The following TRPC5 variants were observed in gnomAD, a reference collection of about 807,000 sequenced individuals.
TRPC5 encodes transient receptor potential cation channel subfamily C member 5.
A neutral mutation model predicts 56.5 loss-of-function variants in TRPC5; 9 were observed. The observed-to-expected ratio is 0.16, with a 90% CI of 0.10 to 0.28. The LOEUF is 0.28. TRPC5 is among the 10% of genes least tolerant of loss of function. The pLI, the probability that TRPC5 is intolerant of heterozygous loss-of-function variation, is 1.00. For missense variants in TRPC5, 469 were observed against 748.9 expected (o/e 0.63, Z 4.36); for synonymous variants, 282 against 278.5 (o/e 1.01, Z -0.13).
intron 3 of TRPC5, among the ~76,000 whole-genome samples, chrX:111,892,079 C>T (rs2148607652): frequency 8.9e-6 from 1 of 111,978 alleles, no homozygotes; most frequent in Non-Finnish European, 1.9e-5. Flanking sequence ...GTAAAATAAA[C>T]TAACCTGTTC....
Position 111,922,792 on chromosome X carries a change from C to T in TRPC5, c.379-9980G>A, listed in dbSNP as rs1341406553. ...TTTACTTGGGGATAATGTCACAGAA[C>T]CCACTGGCCTTTAAAAATGTCAATA... On this transcript the variant is annotated intron_variant, in intron 2 of 10. Transcript: ENST00000262839. 2.7e-5 allele frequency among the ~76,000 whole-genome samples: 3 copies of T among 111,668 alleles called. No homozygotes were observed. In the East Asian group the frequency reaches 8.5e-4, roughly 31 times the overall value.
intron 3 of TRPC5, among the ~76,000 whole-genome samples, chrX:111,858,127 T>G (rs1009081830): frequency 8.9e-6 from 1 of 112,338 alleles, no homozygotes; most frequent in Non-Finnish European, 1.9e-5. Flanking sequence ...GAAATTTTTA[T>G]TAAGCCACCA....
chrX:111,801,427 C>T (rs1921306963), intron 7 of TRPC5, among the ~76,000 whole-genome samples: 1 of 111,667 alleles, frequency 9.0e-6, no homozygotes, highest in Non-Finnish European at 1.9e-5. Context: ...AATGAAATTG[C>T]TGGGTCATAT....
intron 7 of TRPC5, among the ~76,000 whole-genome samples, chrX:111,782,684 CTTT>C (rs1252905791): frequency 1.8e-5 from 2 of 110,964 alleles, no homozygotes; most frequent in Non-Finnish European, 3.8e-5. Context: ...TGGTGGAAGG[CTTT>C]TTTATTTTAA....
chrX:111,805,599 A>G (rs1225793322), intron 7 of TRPC5, among the ~76,000 whole-genome samples: 2 of 111,849 alleles, frequency 1.8e-5, no homozygotes, highest in Non-Finnish European at 3.8e-5. Flanking sequence ...GATTTAGCCA[A>G]TTGTTTTGGA....
Position 112,076,819 on chromosome X carries a change from GA to G in TRPC5, c.-22+5059del, listed in dbSNP as rs1930846765. Among the ~76,000 whole-genome samples the G allele has an allele frequency of 2.7e-5, 3 of 111,494 alleles. No homozygotes were observed. The South Asian group carries it at 1.1e-3, about 42-fold the overall frequency. ...ACTAGGGACACCTGTAATTCCTTCT[GA>G]AAAAATATTTGTTTCTAGTGGCCTC... On this transcript the variant is annotated intron_variant, in intron 1 of 10. Coordinates refer to ENST00000262839, the MANE Select transcript of TRPC5 (RefSeq NM_012471.3).
intron 3 of TRPC5, among the ~76,000 whole-genome samples, chrX:111,867,925 A>G (rs1430234319): frequency 1.8e-4 from 20 of 112,495 alleles, no homozygotes; most frequent in African/African-American, 6.5e-4. Flanking sequence ...ATGTACACAG[A>G]ACCTTCTAAG....
At chrX:111,950,524 G>T (rs1377303031) in intron 2 of TRPC5, among the ~76,000 whole-genome samples, 1 of 110,995 alleles carries the variant, frequency 9.0e-6, no homozygotes, top group Non-Finnish European at 1.9e-5. Flanking sequence ...GGATGGGAAG[G>T]GGGAGAGGAA....
At chrX:111,893,633 A>T (rs1029152238) in intron 3 of TRPC5, among the ~76,000 whole-genome samples, 1 of 111,939 alleles carries the variant, frequency 8.9e-6, no homozygotes, top group Non-Finnish European at 1.9e-5. Flanking sequence ...CCATAAGGAC[A>T]TTTCCTACTC....
At position 111,774,898 on chromosome X, in the gene TRPC5, T is replaced by C. The variant is rs1303111439; in HGVS notation, c.*1415A>G. ...CTCTAGGACTCAGACCTAGAGTTGT[T>C]TCAGGTCATATGTTAGAGTCTAAAC... On this transcript the variant is annotated 3_prime_UTR_variant, in exon 11 of 11. Coordinates refer to ENST00000262839, the MANE Select transcript of TRPC5 (RefSeq NM_012471.3). The C allele has an allele frequency of 1.8e-5, 2 of 110,755 alleles. No individual in the cohort carries two copies. The highest frequency in any genetic ancestry group is 3.8e-5 in the Non-Finnish European group (2 of 52,832). 9.1% of individuals were successfully genotyped at this position (110,755 alleles called of 1,213,427 possible).
intron 3 of TRPC5, among the ~76,000 whole-genome samples, chrX:111,884,359 G>A (rs1924370255): frequency 8.9e-6 from 1 of 112,368 alleles, no homozygotes; most frequent in Admixed American, 9.4e-5. Context: ...GTAGTGCCAG[G>A]CCCTAGCTTA....
intron 2 of TRPC5, among the ~76,000 whole-genome samples, chrX:111,937,288 G>A (rs1473765149): frequency 9.7e-6 from 1 of 103,149 alleles, no homozygotes; most frequent in East Asian, 3.0e-4. Context: ...CTCCCATTTT[G>A]TAGGTTGCCT....
At chrX:111,950,914 T>C (rs1267949270) in intron 2 of TRPC5, among the ~76,000 whole-genome samples, 1 of 112,275 alleles carries the variant, frequency 8.9e-6, no homozygotes, top group Admixed American at 9.5e-5. Flanking sequence ...TTTTCTCCTA[T>C]TAATCTGCCT....
intron 7 of TRPC5, among the ~76,000 whole-genome samples, chrX:111,820,756 A>T (rs1400906083): frequency 8.9e-6 from 1 of 111,865 alleles, no homozygotes; most frequent in Non-Finnish European, 1.9e-5. Flanking sequence ...ATTTTAAAAT[A>T]TTCCGGGAAG....
At chrX:111,957,294 G>T (rs981723028) in intron 1 of TRPC5, among the ~76,000 whole-genome samples, 1 of 111,605 alleles carries the variant, frequency 9.0e-6, no homozygotes, top group Non-Finnish European at 1.9e-5. Flanking sequence ...TGGTTCAGGA[G>T]GTACTTTAAA....
chrX:111,854,241 G>A, intron 3 of TRPC5, 135 bp from the exon 4 acceptor site: 2 of 625,665 alleles, frequency 3.2e-6, no homozygotes, highest in South Asian at 3.2e-5. Flanking sequence ...CTGTTTTCTA[G>A]GTGCCTGTGA....
Position 111,768,737 on chromosome X carries a change from G to A in TRPC5, c.*7576C>T, listed in dbSNP as rs371576878. ...CTTTTACATTAAACCACAGACTAATGTGTTAACCCTTTGGGTTTAGAGGAC... is the reference window on the plus strand; with the variant it reads ...CTTTTACATTAAACCACAGACTAATATGTTAACCCTTTGGGTTTAGAGGAC... On this transcript the variant is annotated 3_prime_UTR_variant, in exon 11 of 11. Coordinates refer to ENST00000262839, the MANE Select transcript of TRPC5 (RefSeq NM_012471.3). Among the ~76,000 whole-genome samples the A allele has an allele frequency of 3.0e-4, 34 of 111,684 alleles. No individual in the cohort carries two copies. The highest frequency in any genetic ancestry group is 2.2e-3 in the East Asian group (8 of 3,564).
intron 1 of TRPC5, among the ~76,000 whole-genome samples, chrX:111,960,383 C>A (rs1927345549): frequency 1.8e-5 from 2 of 112,355 alleles, no homozygotes; most frequent in Non-Finnish European, 3.8e-5. Flanking sequence ...TGTATAACCA[C>A]TGACATCTGG....
intron 2 of TRPC5, among the ~76,000 whole-genome samples, chrX:111,949,611 A>G (rs143940111): frequency 0.012 from 1,340 of 112,287 alleles, 19 homozygotes; most frequent in African/African-American, 0.041. Flanking sequence ...ATCACTGATG[A>G]TCAGGGAAAT....
Sources: allele counts gnomAD v4.1 joint callset (sites outside exome capture counted in the v4.1 genomes callset), GRCh38; gene constraint gnomAD v4.1.1; transcripts MANE v1.5; gene names NCBI Gene and HGNC (gene_info 2026-07-23, HGNC 2026-07-21).